The following GHR variants were observed in gnomAD, a reference collection of about 807,000 sequenced individuals.
GHR encodes the protein GH receptor.
GHR carries 35 observed loss-of-function variants against 67.1 expected under a neutral mutation model. The ratio of observed to expected loss-of-function variants is 0.52; its 90% CI spans 0.40 to 0.69. The LOEUF is 0.69. Among genes scored for constraint, GHR ranks in the 30% least tolerant of loss-of-function variants. GHR has a pLI of 0.00. For missense variants in GHR, 792 were observed against 764.6 expected (o/e 1.04, Z -0.42); for synonymous variants, 272 against 269.1 (o/e 1.01, Z -0.10).
intron 1 of GHR, chr5:42,465,914 C>T: frequency 2.8e-6 from 2 of 709,190 alleles, no homozygotes; most frequent in Non-Finnish European, 5.2e-6. Flanking sequence ...TCTTCGTTCA[C>T]AAGGTGGTCT....
chr5:42,552,449 T>C (rs1054985937), intron 1 of GHR, among the ~76,000 whole-genome samples: 2 of 152,226 alleles, frequency 1.3e-5, no homozygotes, highest in African/African-American at 4.8e-5. Flanking sequence ...AAAGCAAAGC[T>C]AGCAAACTGA....
intron 3 of GHR, among the ~76,000 whole-genome samples, chr5:42,673,968 C>T (rs750703163): frequency 2.6e-4 from 39 of 152,012 alleles, no homozygotes; most frequent in Non-Finnish European, 4.6e-4. Context: ...TAGTCATCAG[C>T]GTGTTTTTTA....
intron 1 of GHR, among the ~76,000 whole-genome samples, chr5:42,476,605 AAG>A: frequency 6.6e-6 from 1 of 152,338 alleles, no homozygotes; most frequent in Admixed American, 6.5e-5. Context: ...CTCCTGACTG[AAG>A]AGAGAAATTG....
chr5:42,714,972 T>C, intron 8 of GHR: 1 of 268,130 alleles, frequency 3.7e-6, no homozygotes, highest in Non-Finnish European at 7.3e-6. Flanking sequence ...GCCAAGTCAA[T>C]TTGTTATGTT....
rs191512807 is a variant in GHR at position 42,440,198 on chromosome 5, C to G, written c.-12+16243C>G. 3.3e-4 allele frequency among the ~76,000 whole-genome samples: 50 copies of G among 152,326 alleles called. 2 individuals are homozygous for G. The highest frequency in any genetic ancestry group is 1.2e-3 in the African/African-American group (48 of 41,584). On this transcript the variant is annotated intron_variant, in intron 1 of 9. Coordinates refer to ENST00000230882, the MANE Select transcript of GHR (RefSeq NM_000163.5). The stretch of plus-strand genomic sequence containing the variant: ...GTATAATAAGCAACCCAGAAATAGC[C>G]TCTGCCTTGCTGCATTTCATAGTCT...
In GHR at chr5:42,595,313, G is replaced by T. The variant is rs148550597; in HGVS notation, c.70+29369G>T. 3.3e-3 allele frequency among the ~76,000 whole-genome samples: 509 copies of T among 152,218 alleles called. 2 individuals are homozygous for T. Among genetic ancestry groups the T allele is most frequent in the African/African-American group, 0.012 (492 of 41,540 alleles). ...CTTGGGCAAAATGTATAATATCTGT[G>T]GGAGAAATGCTCAATGCTGCAGTAA... On this transcript the variant is annotated intron_variant, in intron 2 of 9. Transcript: ENST00000230882.
chr5:42,634,547 C>CA (rs1160092879), intron 3 of GHR, among the ~76,000 whole-genome samples: 3 of 137,482 alleles, frequency 2.2e-5, no homozygotes, highest in African/African-American at 6.3e-5. Context: ...ACACACACTG[C>CA]AAAAAATAAA....
rs138386131 is a variant in GHR at position 42,583,878 on chromosome 5, G to GATATATATATATAT, written c.70+17940_70+17953dup. Among the ~76,000 whole-genome samples the GATATATATATATAT allele has an allele frequency of 2.7e-4, 37 of 138,970 alleles. No homozygotes were observed. In the South Asian group the frequency reaches 4.9e-3, roughly 19 times the overall value. 91.2% of individuals were successfully genotyped at this position (138,970 alleles called of 152,430 possible). On this transcript the variant is annotated intron_variant, in intron 2 of 9. Transcript: ENST00000230882. The stretch of plus-strand genomic sequence containing the variant: ...AAAGATATATATATCTTTAAATAAA[G>GATATATATATATAT]ATATATATATATATATATAAATTCT...
intron 1 of GHR, among the ~76,000 whole-genome samples, chr5:42,486,724 G>T (rs1161415350): frequency 6.6e-6 from 1 of 152,038 alleles, no homozygotes; most frequent in Non-Finnish European, 1.5e-5. Flanking sequence ...GCGGGCACCT[G>T]TAGTCCCAGC....
At chr5:42,626,324 T>C (rs1324075631) in intron 2 of GHR, among the ~76,000 whole-genome samples, 1 of 152,130 alleles carries the variant, frequency 6.6e-6, no homozygotes, top group Non-Finnish European at 1.5e-5. Flanking sequence ...CAGCTGTAAA[T>C]TGGTGTTCCC....
At position 42,695,056 on chromosome 5, in the gene GHR, G is replaced by A. The variant is rs150584105; in HGVS notation, c.406G>A (p.Val136Met). 2 of 1,611,750 alleles carry A rather than the reference G, an allele frequency of 1.2e-6. No individual in the cohort carries two copies. The highest frequency in any genetic ancestry group is 1.3e-5 in the African/African-American group (1 of 74,980). ...CAAGCTAACTAGCAATGGTGGTACA[G>A]TGGATGAAAAGTGTTTCTCTGTTGA... ...CIKLTSNGGT[V>M]DEKCFSVDEI... Residue 136 changes from valine (V) to methionine (M), a missense_variant, in exon 5 of 10, where the codon GTG (valine) becomes ATG (methionine). By Grantham distance (21) the Val-to-Met change is conservative. Transcript: ENST00000230882.
At chr5:42,676,863 G>T (rs1756597364) in intron 3 of GHR, among the ~76,000 whole-genome samples, 1 of 152,046 alleles carries the variant, frequency 6.6e-6, no homozygotes, top group Non-Finnish European at 1.5e-5. Context: ...AGGCTGCTTG[G>T]TCCCAAAGCA....
intron 1 of GHR, among the ~76,000 whole-genome samples, chr5:42,556,208 A>G (rs1348430635): frequency 6.6e-6 from 1 of 152,210 alleles, no homozygotes; most frequent in Non-Finnish European, 1.5e-5. Context: ...GCTTCTGTTA[A>G]CTCCAAAGAA....
At chr5:42,435,248 C>G (rs918900246) in intron 1 of GHR, among the ~76,000 whole-genome samples, 3 of 152,196 alleles carry the variant, frequency 2.0e-5, no homozygotes, top group African/African-American at 7.2e-5. Flanking sequence ...TTTCCCTCCT[C>G]CAGAAGAGTC....
intron 2 of GHR, among the ~76,000 whole-genome samples, chr5:42,606,648 C>T (rs1014843766): frequency 1.3e-5 from 2 of 152,162 alleles, no homozygotes; most frequent in Non-Finnish European, 2.9e-5. Context: ...CCCACAAGGT[C>T]CACCTCCCAC....
intron 3 of GHR, among the ~76,000 whole-genome samples, chr5:42,658,784 C>T (rs1755400384): frequency 6.6e-6 from 1 of 151,962 alleles, no homozygotes; most frequent in African/African-American, 2.4e-5. Context: ...GACAGCATTC[C>T]ACAGCAACAA....
chr5:42,444,077 A>C (rs1743708091), intron 1 of GHR, among the ~76,000 whole-genome samples: 1 of 152,152 alleles, frequency 6.6e-6, no homozygotes, highest in Non-Finnish European at 1.5e-5. Flanking sequence ...TAAACATTAC[A>C]CCTGGGAAGT....
intron 3 of GHR, among the ~76,000 whole-genome samples, chr5:42,652,448 C>T (rs1410203015): frequency 6.6e-6 from 1 of 151,994 alleles, no homozygotes; most frequent in Non-Finnish European, 1.5e-5. Flanking sequence ...CACACAGAAG[C>T]CAAAATTGGT....
intron 3 of GHR, among the ~76,000 whole-genome samples, chr5:42,644,711 A>G (rs1315890420): frequency 1.3e-5 from 2 of 152,094 alleles, no homozygotes; most frequent in Non-Finnish European, 2.9e-5. Flanking sequence ...GGGTGAAAGC[A>G]TATCATTAAA....
Sources: allele counts gnomAD v4.1 joint callset (sites outside exome capture counted in the v4.1 genomes callset), GRCh38; gene constraint gnomAD v4.1.1; transcripts MANE v1.5; gene names NCBI Gene and HGNC (gene_info 2026-07-23, HGNC 2026-07-21).